KAT2A: variants seen among roughly 807,000 people sequenced by gnomAD.
KAT2A encodes the protein lysine acetyltransferase 2A.
KAT2A carries 42 observed loss-of-function variants against 95.2 expected under a neutral mutation model. That is an observed-to-expected ratio of 0.44 (90% CI 0.34 to 0.57). KAT2A has a LOEUF of 0.57. Ranked by LOEUF, KAT2A falls within the 20% of genes least tolerant of loss-of-function variation. The pLI, the probability that KAT2A is intolerant of heterozygous loss-of-function variation, is 0.01. For synonymous variants in KAT2A, 449 were observed against 448.2 expected (o/e 1.00, Z -0.02); for missense variants, 784 against 1,126.3 (o/e 0.70, Z 4.35).
rs139827599 is a variant in KAT2A, at chr17:42,115,759, G to A, written c.1839C>T (p.Tyr613=). Residue 613 remains tyrosine, a synonymous_variant, in exon 12 of 18, where the codon TAC becomes TAT. Coordinates refer to ENST00000225916, the MANE Select transcript of KAT2A (RefSeq NM_021078.3). ...IKHNILYFLT[Y]ADEYAIGYFK... The stretch of plus-strand genomic sequence containing the variant: ...AGTAGCCGATGGCGTACTCGTCGGC[G>A]TAGGTGAGGAAGTAGAGAATGTTGT... 1.9e-5 allele frequency: 31 copies of A among 1,613,736 alleles called. No individual in the cohort carries two copies. The highest frequency in any genetic ancestry group is 2.7e-5 in the African/African-American group (2 of 75,010).
At position 42,119,332 on chromosome 17, in the gene KAT2A, G is replaced by T. The variant is rs2054303243; in HGVS notation, c.986C>A (p.Thr329Asn). ...RSLLRSIFTV[T>N]RRQLLEKFRV... ...GAACTTTTCCAGCAGCTGCCGGCGGGTAACGGTGAAAATGGACCGGAGAAG... is the reference window on the plus strand; with the variant it reads ...GAACTTTTCCAGCAGCTGCCGGCGGTTAACGGTGAAAATGGACCGGAGAAG... The change falls in exon 6 of 18, where the codon ACC (threonine) becomes AAC (asparagine). Residue 329 changes from threonine (T) to asparagine (N), a missense_variant. By Grantham distance (65) the Thr-to-Asn change is moderately conservative. Around this residue, in one of 6 missense-constraint regions of KAT2A, gnomAD observed 208 missense variants for 339.7 expected, o/e 0.61. Transcript: ENST00000225916. This position sits in a 1 kb window ranked among gnomAD's most constrained non-coding sequence, Gnocchi z 5.3. The T allele has an allele frequency of 1.2e-6, 2 of 1,614,114 alleles. No individual in the cohort carries two copies. Among genetic ancestry groups the T allele is most frequent in the Non-Finnish European group, 1.7e-6 (2 of 1,179,978 alleles).
chr17:42,118,876 A>G (rs2054297880), intron 6 of KAT2A, among the ~76,000 whole-genome samples: 2 of 152,230 alleles, frequency 1.3e-5, no homozygotes, highest in South Asian at 4.1e-4. Context: ...AGAAAATGGT[A>G]CAGAAAAGAC....
Position 42,117,260 on chromosome 17 carries a change from T to A in KAT2A, c.1638-99A>T. The A allele has an allele frequency of 2.6e-6, 4 of 1,565,738 alleles. No homozygotes were observed. Among genetic ancestry groups the A allele is most frequent in the Admixed American group, 1.7e-5 (1 of 58,426 alleles). On this transcript the variant is annotated intron_variant, in intron 10 of 17. Coordinates refer to ENST00000225916, the MANE Select transcript of KAT2A (RefSeq NM_021078.3). This position sits in a 1 kb window ranked among gnomAD's most constrained non-coding sequence, Gnocchi z 8.9. Reference sequence around the variant, plus strand: ...GTAGTCAGGGTTGGGCAGTGAGAAGTAAGAATGCTCAAAGGATGAACCTCA... The same window carrying A: ...GTAGTCAGGGTTGGGCAGTGAGAAGAAAGAATGCTCAAAGGATGAACCTCA...
At chr17:42,118,070 GAGAGA>G (rs1198387349) in intron 7 of KAT2A, 53 bp from the exon 8 acceptor site, 8 of 1,211,266 alleles carry the variant, frequency 6.6e-6, no homozygotes, top group East Asian at 2.4e-5. Flanking sequence ...AGGAGAGAGA[GAGAGA>G]AGTCAGGGAC....
chr17:42,120,460 T>A (rs1383788949), intron 2 of KAT2A, 90 bp from the exon 3 acceptor site: 18 of 1,409,724 alleles, frequency 1.3e-5, no homozygotes, highest in African/African-American at 4.3e-5. Flanking sequence ...AGATACACAC[T>A]CTGTTCCTCC....
intron 11 of KAT2A, 139 bp downstream of exon 11, chr17:42,116,896 T>A: frequency 9.6e-7 from 1 of 1,042,446 alleles, no homozygotes; most frequent in Admixed American, 2.0e-5. Context: ...GGCTGCCACC[T>A]TGTGGGGATG....
In KAT2A at chr17:42,116,868, CCA is replaced by C. The variant is rs1467341655; in HGVS notation, c.1764+165_1764+166del. 4.6e-5 allele frequency among the ~76,000 whole-genome samples: 7 copies of C among 152,360 alleles called. No individual in the cohort carries two copies. The South Asian group carries it at 1.2e-3, about 27-fold the overall frequency. ...GTCTGTCAACAGGTGGTTTCCTAAT[CCA>C]CAGTTATCAAAGTACGGCTGCCACC... On this transcript the variant is annotated intron_variant, in intron 11 of 17. Transcript: ENST00000225916.
rs1401290770 is a variant in KAT2A at position 42,119,118 on chromosome 17, G to A, written c.1073+127C>T. 1.7e-5 allele frequency: 26 copies of A among 1,501,770 alleles called. No individual in the cohort carries two copies. Among genetic ancestry groups the A allele is most frequent in the East Asian group, 2.3e-5 (1 of 43,106 alleles). The allele number at this position is 1,501,770 out of a possible 1,614,324, so 93.0% of individuals were successfully genotyped here. On this transcript the variant is annotated intron_variant, in intron 6 of 17. Coordinates refer to ENST00000225916, the MANE Select transcript of KAT2A (RefSeq NM_021078.3). The surrounding 1 kb of genome is among the most constrained non-coding windows in gnomAD (Gnocchi z 5.3). ...CCATGGGCAAGTCTGCCAGGTAGAC[G>A]CCCAGATCCCAAAAGGCCCATGGAG...
intron 6 of KAT2A, 32 bp from the exon 7 acceptor site, chr17:42,118,435 CTG>C (rs1555666594): frequency 1.3e-6 from 2 of 1,493,928 alleles, no homozygotes; most frequent in Non-Finnish European, 1.9e-6. Flanking sequence ...TCCCACAACT[CTG>C]TTCTCCAGGG....
chr17:42,119,385 G>A lies in KAT2A; in HGVS notation c.933C>T (p.Tyr311=), dbSNP rs782720496. Residue 311 remains tyrosine (Y), a synonymous_variant, in exon 6 of 18, where the codon TAC becomes TAT. Transcript: ENST00000225916. The surrounding 1 kb of genome is among the most constrained non-coding windows in gnomAD (Gnocchi z 5.3). ...TTCGCCCAAAGACATGAGTGGTTTC[G>A]TAGCGGGGGAGGCTATCACAGCTCT... is the stretch of plus-strand genomic sequence containing the variant. ...VPQSCDSLPR[Y]ETTHVFGRSL... is the part of the protein sequence containing the mutation. The A allele has an allele frequency of 1.1e-5, 17 of 1,613,842 alleles. No homozygotes were observed. Among genetic ancestry groups the A allele is most frequent in the South Asian group, 8.8e-5 (8 of 91,076 alleles).
chr17:42,118,089 G>GGT (rs375999612), intron 7 of KAT2A, 72 bp from the exon 8 acceptor site: 25,689 of 1,007,942 alleles, frequency 0.025, 860 homozygotes, highest in South Asian at 0.036. Flanking sequence ...CAGGGACGGG[G>GGT]GCTGAAGCTG....
chr17:42,119,288 A>G lies in KAT2A; in HGVS notation c.1030T>C (p.Leu344=). The change falls in exon 6 of 18, where the codon TTG becomes CTG. Residue 344 remains leucine (L), a synonymous_variant. Coordinates refer to ENST00000225916, the MANE Select transcript of KAT2A (RefSeq NM_021078.3). This position sits in a 1 kb window ranked among gnomAD's most constrained non-coding sequence, Gnocchi z 5.3. ...LEKFRVEKDK[L]VPEKRTLILT... is the part of the protein sequence containing the mutation. Reference sequence around the variant, plus strand: ...ATGAGGGTCCTCTTCTCGGGCACCAATTTGTCCTTCTCCACTCGGAACTTT... The same window carrying G: ...ATGAGGGTCCTCTTCTCGGGCACCAGTTTGTCCTTCTCCACTCGGAACTTT... The G allele has an allele frequency of 6.2e-7, 1 of 1,613,902 alleles. No homozygotes were observed. The highest frequency in any genetic ancestry group is 1.1e-5 in the South Asian group (1 of 91,066).
At chr17:42,115,545 C>G in intron 12 of KAT2A, 178 bp downstream of exon 12, 2 of 605,626 alleles carry the variant, frequency 3.3e-6, no homozygotes, top group Non-Finnish European at 3.0e-6. Flanking sequence ...CCCACAGGCC[C>G]TCATTCTCCC....
In KAT2A at chr17:42,115,850, C is replaced by G. The variant is rs909863190; in HGVS notation, c.1765-17G>C. ...CCCATAACCCTGCGGGGGAGGGAAG[C>G]AGGACTCACCAGGAGCTGAGGATGG... On this transcript the variant is annotated splice_polypyrimidine_tract_variant and intron_variant, in intron 11 of 17. Transcript: ENST00000225916. 2.1e-6 allele frequency: 3 copies of G among 1,398,144 alleles called. No individual in the cohort carries two copies. The highest frequency in any genetic ancestry group is 3.1e-6 in the Non-Finnish European group (3 of 983,070). The allele number at this position is 1,398,144 out of a possible 1,614,324, so 86.6% of individuals were successfully genotyped here.
chr17:42,117,851 A>G lies in KAT2A; in HGVS notation c.1292-37T>C. The G allele has an allele frequency of 6.2e-7, 1 of 1,609,384 alleles. No homozygotes were observed. Among genetic ancestry groups the G allele is most frequent in the Non-Finnish European group, 8.5e-7 (1 of 1,176,618 alleles). ...GCAGGCAAGGTTGCTCAGGATCAGT[A>G]AAAAAGGTTTGGGAAGGAGTGAATG... On this transcript the variant is annotated intron_variant, in intron 8 of 17. Transcript: ENST00000225916. The surrounding 1 kb of genome is among the most constrained non-coding windows in gnomAD (Gnocchi z 8.9).
rs782253705 is a variant in KAT2A, at chr17:42,121,310, C to A, written c.-6G>T. The A allele has an allele frequency of 4.4e-6, 6 of 1,367,032 alleles. No individual in the cohort carries two copies. The highest frequency in any genetic ancestry group is 3.1e-5 in the African/African-American group (2 of 65,088). 84.7% of individuals were successfully genotyped at this position (1,367,032 alleles called of 1,614,324 possible). A position where few individuals can be genotyped will look rare whatever the true frequency, so the allele number is the denominator to read the frequency against. On this transcript the variant is annotated 5_prime_UTR_variant, in exon 1 of 18. Transcript: ENST00000225916. ...GCCTGGGAAGGTTCCGCCATGGCCT[C>A]CCCCGCAGCGGAGAGCGGCGCCGCG...
chr17:42,115,450 C>A (rs1248597478), intron 12 of KAT2A, among the ~76,000 whole-genome samples: 4 of 142,048 alleles, frequency 2.8e-5, no homozygotes, highest in Non-Finnish European at 4.6e-5. Flanking sequence ...GTGCCCCCCC[C>A]AGTTCCTCCG....
At position 42,117,243 on chromosome 17, in the gene KAT2A, G is replaced by T. The variant is rs1443785210; in HGVS notation, c.1638-82C>A. ...CCCTGGAAGTCTGAGCTGTAGTCAG[G>T]GTTGGGCAGTGAGAAGTAAGAATGC... is the stretch of plus-strand genomic sequence containing the variant. On this transcript the variant is annotated intron_variant, in intron 10 of 17. Transcript: ENST00000225916. This position sits in a 1 kb window ranked among gnomAD's most constrained non-coding sequence, Gnocchi z 8.9. 8.8e-6 allele frequency: 14 copies of T among 1,585,386 alleles called. No individual in the cohort carries two copies. In the South Asian group the frequency reaches 1.5e-4, roughly 16 times the overall value.
rs1294180099 is a variant in KAT2A, at chr17:42,113,426, G to A, written c.*223C>T. 2.8e-5 allele frequency: 13 copies of A among 469,694 alleles called. No homozygotes were observed. The highest frequency in any genetic ancestry group is 2.3e-4 in the African/African-American group (11 of 48,556). The allele number at this position is 469,694 out of a possible 1,614,324, so 29.1% of individuals were successfully genotyped here. A position where few individuals can be genotyped will look rare whatever the true frequency, so the allele number is the denominator to read the frequency against. ...CCACCAGCTACTCTAGAGGGGCTGG[G>A]CCCCAACCCAGGAGACCTCTCACAC... On this transcript the variant is annotated 3_prime_UTR_variant, in exon 18 of 18. Coordinates refer to ENST00000225916, the MANE Select transcript of KAT2A (RefSeq NM_021078.3).
Sources: allele counts gnomAD v4.1 joint callset (sites outside exome capture counted in the v4.1 genomes callset), GRCh38; gene constraint gnomAD v4.1.1; regional missense constraint gnomAD v4.1.1; non-coding constraint Gnocchi (gnomAD v3.1); transcripts MANE v1.5; gene names NCBI Gene and HGNC (gene_info 2026-07-23, HGNC 2026-07-21).